The following ZNF536 variants were observed in gnomAD, a reference collection of about 807,000 sequenced individuals.
ZNF536 encodes the protein zinc finger protein 536.
ZNF536 carries 13 observed loss-of-function variants against 84.5 expected under a neutral mutation model. The observed-to-expected ratio is 0.15, with a 90% CI of 0.10 to 0.24. The LOEUF is 0.24. ZNF536 is among the 10% of genes least tolerant of loss of function. ZNF536 has a pLI of 1.00. For synonymous variants in ZNF536, 811 were observed against 742.5 expected (o/e 1.09, Z -1.50); for missense variants, 1,536 against 1,747.5 (o/e 0.88, Z 2.16).
chr19:30,510,070 A>G (rs1304552427), intron 2 of ZNF536, among the ~76,000 whole-genome samples: 1 of 152,210 alleles, frequency 6.6e-6, no homozygotes, highest in East Asian at 1.9e-4. Flanking sequence ...ATAAAATGGA[A>G]GTGTCCGGGG....
chr19:30,669,416 G>A (rs1386094377), intron 1 of ZNF536, among the ~76,000 whole-genome samples: 1 of 152,228 alleles, frequency 6.6e-6, no homozygotes, highest in East Asian at 1.9e-4. Flanking sequence ...GGCGGTGCCT[G>A]GCCGTGGTCA....
At chr19:30,382,328 T>A (rs1355397532) in intron 1 of ZNF536, among the ~76,000 whole-genome samples, 2 of 152,250 alleles carry the variant, frequency 1.3e-5, no homozygotes, top group Admixed American at 1.3e-4. Flanking sequence ...TTTGATGAAG[T>A]TTCGGCAACT....
chr19:30,590,026 C>G (rs2047222183), intron 1 of ZNF536, among the ~76,000 whole-genome samples: 1 of 152,194 alleles, frequency 6.6e-6, no homozygotes, highest in Non-Finnish European at 1.5e-5. Context: ...CCACTGGGCT[C>G]CATCCAGATG....
At chr19:30,472,002 A>G (rs1055074204) in intron 2 of ZNF536, among the ~76,000 whole-genome samples, 49 of 151,930 alleles carry the variant, frequency 3.2e-4, no homozygotes, top group African/African-American at 1.2e-3. Flanking sequence ...TTAGAGGGGG[A>G]CACCTGGCCT....
At chr19:30,262,826 G>C (rs2025298229) in intron 1 of ZNF536, among the ~76,000 whole-genome samples, 1 of 152,158 alleles carries the variant, frequency 6.6e-6, no homozygotes, top group African/African-American at 2.4e-5. Flanking sequence ...ATGGGGGCTG[G>C]TTTCCTCAAT....
chr19:30,551,935 T>G (rs1307295684), intron 4 of ZNF536, among the ~76,000 whole-genome samples: 2 of 152,202 alleles, frequency 1.3e-5, no homozygotes, highest in Non-Finnish European at 2.9e-5. Context: ...AGTCCTCTTC[T>G]TATTTTCTTG....
rs778169620 is a variant in ZNF536, at chr19:30,410,141, CT to C, written c.-2-33415del. The stretch of plus-strand genomic sequence containing the variant: ...TTAAATCTTTTAATGTATTCCTTTA[CT>C]TTTTAGTGCCATGCTTTGAAAATGA... On this transcript the variant is annotated intron_variant, in intron 1 of 4. Coordinates refer to ENST00000355537, the MANE Select transcript of ZNF536 (RefSeq NM_014717.3). Among the ~76,000 whole-genome samples, 5 of 152,130 alleles carry C rather than the reference CT, an allele frequency of 3.3e-5. No individual in the cohort carries two copies. The South Asian group carries it at 8.3e-4, about 25-fold the overall frequency.
chr19:30,386,102 T>A (rs2049329717), intron 1 of ZNF536, among the ~76,000 whole-genome samples: 1 of 152,162 alleles, frequency 6.6e-6, no homozygotes, highest in African/African-American at 2.4e-5. Flanking sequence ...CCTTCCCAGC[T>A]TCATCTCAGG....
chr19:30,337,903 T>C (rs1670912370), intron 2 of ZNF536, among the ~76,000 whole-genome samples: 1 of 152,102 alleles, frequency 6.6e-6, no homozygotes, highest in Non-Finnish European at 1.5e-5. Flanking sequence ...ATGGTGGTGA[T>C]GATGATGATG....
At chr19:30,288,370 A>G (rs958863071) in intron 2 of ZNF536, among the ~76,000 whole-genome samples, 4 of 152,110 alleles carry the variant, frequency 2.6e-5, no homozygotes, top group African/African-American at 9.7e-5. Flanking sequence ...GCTCAGTCCT[A>G]TTAGGTCAGC....
intron 1 of ZNF536, among the ~76,000 whole-genome samples, chr19:30,408,280 G>A (rs957581555): frequency 6.6e-6 from 1 of 152,144 alleles, no homozygotes. Context: ...AGTAAAATTG[G>A]CCACTAGTAT....
chr19:30,305,406 T>G (rs1457435470), intron 2 of ZNF536, among the ~76,000 whole-genome samples: 1 of 151,876 alleles, frequency 6.6e-6, no homozygotes, highest in Non-Finnish European at 1.5e-5. Flanking sequence ...TGGGGAGGGG[T>G]GGAAAGTATT....
Position 30,576,865 on chromosome 19 carries a change from T to C in ZNF536, c.169+27351T>C, listed in dbSNP as rs528456808. 2.6e-5 allele frequency among the ~76,000 whole-genome samples: 4 copies of C among 152,326 alleles called. No individual in the cohort carries two copies. The East Asian group carries it at 7.7e-4, about 29-fold the overall frequency. ...CCGGCCTTTCCTGGAGTTGCATGTC[T>C]CTTTAGGGAGGCACTCTGCAAGCCG... On this transcript the variant is annotated intron_variant, in intron 1 of 1. Transcript: ENST00000592773.
At chr19:30,333,177 G>GTAAGTAAA (rs1378738363) in intron 2 of ZNF536, among the ~76,000 whole-genome samples, 82 of 152,142 alleles carry the variant, frequency 5.4e-4, no homozygotes, top group East Asian at 2.7e-3. Context: ...AAGTAAGTAA[G>GTAAGTAAA]TAAATAAATA....
At chr19:30,276,009 G>A (rs1268679527) in intron 1 of ZNF536, among the ~76,000 whole-genome samples, 2 of 151,982 alleles carry the variant, frequency 1.3e-5, no homozygotes, top group Non-Finnish European at 2.9e-5. Flanking sequence ...TCTCAGGGCT[G>A]TTTTGACTAT....
At chr19:30,322,498 G>A (rs1024029219) in intron 2 of ZNF536, among the ~76,000 whole-genome samples, 7 of 152,128 alleles carry the variant, frequency 4.6e-5, no homozygotes, top group Admixed American at 2.6e-4. Context: ...GACTCTGCAG[G>A]CGCCTTCTTG....
At chr19:30,334,937 C>T (rs1247812326) in intron 2 of ZNF536, among the ~76,000 whole-genome samples, 1 of 152,224 alleles carries the variant, frequency 6.6e-6, no homozygotes, top group Non-Finnish European at 1.5e-5. Context: ...AATGGCCCTG[C>T]TGATCTGGCA....
chr19:30,429,300 C>T (rs1188568737), intron 1 of ZNF536, among the ~76,000 whole-genome samples: 2 of 152,172 alleles, frequency 1.3e-5, no homozygotes, highest in African/African-American at 2.4e-5. Context: ...GTGTCATCAT[C>T]ACAGAGAGGA....
intron 1 of ZNF536, among the ~76,000 whole-genome samples, chr19:30,608,740 T>A (rs1478081426): frequency 6.6e-6 from 1 of 152,196 alleles, no homozygotes; most frequent in African/African-American, 2.4e-5. Flanking sequence ...CCAGCACTGA[T>A]CATCAGGGTG....
Sources: gnomAD v4.1 joint callset for allele counts (sites outside exome capture counted in the v4.1 genomes callset) on GRCh38, gnomAD v4.1.1 for gene constraint, MANE v1.5 for transcripts, NCBI Gene and HGNC (gene_info 2026-07-23, HGNC 2026-07-21) for gene names.